The following KIAA1549L variants were observed in gnomAD, a reference collection of about 807,000 sequenced individuals.
The protein encoded by KIAA1549L is UPF0606 protein KIAA1549L.
Under a neutral mutation model 160.7 loss-of-function variants are expected in KIAA1549L, and 88 were observed. The observed-to-expected ratio is 0.55, with a 90% CI of 0.46 to 0.65. KIAA1549L has a LOEUF of 0.65. Ranked by LOEUF, KIAA1549L falls within the 30% of genes least tolerant of loss-of-function variation. The pLI, the probability that KIAA1549L is intolerant of heterozygous loss-of-function variation, is 0.00. For synonymous variants in KIAA1549L, 950 were observed against 976.7 expected (o/e 0.97, Z 0.51); for missense variants, 2,258 against 2,437.5 (o/e 0.93, Z 1.55).
chr11:33,642,794 A>T (rs1851622934), intron 16 of KIAA1549L, among the ~76,000 whole-genome samples: 1 of 152,216 alleles, frequency 6.6e-6, no homozygotes, highest in South Asian at 2.1e-4. Flanking sequence ...GAAGGCAAAG[A>T]ATTGAGCATA....
At chr11:33,656,342 C>A (rs1852064794) in intron 18 of KIAA1549L, among the ~76,000 whole-genome samples, 1 of 152,144 alleles carries the variant, frequency 6.6e-6, no homozygotes, top group Non-Finnish European at 1.5e-5. Flanking sequence ...GTTGAAGAAG[C>A]CCAAGGTCAA....
chr11:33,482,968 A>G (rs1852442971), intron 1 of KIAA1549L, among the ~76,000 whole-genome samples: 1 of 151,972 alleles, frequency 6.6e-6, no homozygotes, highest in Admixed American at 6.6e-5. Flanking sequence ...GTTTCCTGGT[A>G]TTTTCATAAG....
intron 1 of KIAA1549L, among the ~76,000 whole-genome samples, chr11:33,477,392 C>T (rs1394902574): frequency 6.6e-6 from 1 of 152,144 alleles, no homozygotes; most frequent in Non-Finnish European, 1.5e-5. Flanking sequence ...TTCTCTCTGA[C>T]CTTCTGCCCA....
At chr11:33,435,759 G>GAGATATAT (rs1429879805) in intron 1 of KIAA1549L, among the ~76,000 whole-genome samples, 282 of 14,948 alleles carry the variant, frequency 0.019, 66 homozygotes, top group East Asian at 0.063. Context: ...GAACCAATAA[G>GAGATATAT]ATATATATAT....
chr11:33,505,617 T>C (rs892664104), intron 1 of KIAA1549L, among the ~76,000 whole-genome samples: 6 of 152,254 alleles, frequency 3.9e-5, no homozygotes, highest in Admixed American at 2.0e-4. Context: ...TCTTCACTTA[T>C]ATCTGTTCAT....
intron 8 of KIAA1549L, among the ~76,000 whole-genome samples, chr11:33,565,396 G>C (rs1855014968): frequency 6.6e-6 from 1 of 152,144 alleles, no homozygotes; most frequent in Non-Finnish European, 1.5e-5. Flanking sequence ...ATAGTACCAG[G>C]CTAGAAGCAT....
At chr11:33,436,603 C>T (rs1484420531) in intron 1 of KIAA1549L, among the ~76,000 whole-genome samples, 1 of 152,196 alleles carries the variant, frequency 6.6e-6, no homozygotes, top group Admixed American at 6.5e-5. Flanking sequence ...GTCAGTTTGA[C>T]ACATACAATT....
chr11:33,382,200 G>C (rs1057083540), intron 1 of KIAA1549L, among the ~76,000 whole-genome samples: 5 of 152,050 alleles, frequency 3.3e-5, no homozygotes, highest in African/African-American at 1.2e-4. Flanking sequence ...AGGGTGAAGG[G>C]GACCAGCAAG....
Position 33,614,553 on chromosome 11 carries a change from TATATATATATATATATATATATATATA to T in KIAA1549L, c.5280-3979_5280-3953del, listed in dbSNP as rs1564924739. On this transcript the variant is annotated intron_variant, in intron 15 of 20. Coordinates refer to ENST00000658780, the MANE Select transcript of KIAA1549L (RefSeq NM_012194.3). ...CAAGATATATATATATATATATATA[TATATATATATATATATATATATATATA>T]TATATTTTTTTTTTTTTTTTTTTTT... 2.2e-3 allele frequency among the ~76,000 whole-genome samples: 29 copies of T among 13,218 alleles called. 4 individuals are homozygous for T. The highest frequency in any genetic ancestry group is 7.5e-3 in the African/African-American group (15 of 1,998). The allele number at this position is 13,218 out of a possible 152,430, so 8.7% of individuals were successfully genotyped here. A position where few individuals can be genotyped will look rare whatever the true frequency, so the allele number is the denominator to read the frequency against.
intron 14 of KIAA1549L, among the ~76,000 whole-genome samples, chr11:33,608,020 G>A (rs1027836225): frequency 6.6e-6 from 1 of 152,174 alleles, no homozygotes; most frequent in African/African-American, 2.4e-5. Context: ...ATGAGGTTGA[G>A]GTCCCCTGAC....
intron 1 of KIAA1549L, among the ~76,000 whole-genome samples, chr11:33,481,927 G>C (rs555740854): frequency 2.6e-5 from 4 of 152,314 alleles, no homozygotes; most frequent in African/African-American, 9.6e-5. Flanking sequence ...GTAATTCTCA[G>C]TTCTCCTTCT....
intron 8 of KIAA1549L, among the ~76,000 whole-genome samples, chr11:33,565,438 C>T (rs1855016443): frequency 6.6e-6 from 1 of 152,184 alleles, no homozygotes; most frequent in East Asian, 1.9e-4. Context: ...TTAACAGTGA[C>T]ACGATCAGTA....
intron 11 of KIAA1549L, among the ~76,000 whole-genome samples, chr11:33,589,070 A>G (rs991560315): frequency 2.0e-5 from 3 of 152,216 alleles, no homozygotes; most frequent in Non-Finnish European, 4.4e-5. Flanking sequence ...ATTTACAAGA[A>G]AAAAACAACC....
At chr11:33,494,758 C>T (rs773702267) in intron 1 of KIAA1549L, among the ~76,000 whole-genome samples, 7 of 152,236 alleles carry the variant, frequency 4.6e-5, no homozygotes, top group Non-Finnish European at 8.8e-5. Context: ...CACTTTGGCT[C>T]GATGCTGCTT....
At chr11:33,391,242 G>A (rs950329730) in intron 1 of KIAA1549L, among the ~76,000 whole-genome samples, 6 of 152,142 alleles carry the variant, frequency 3.9e-5, no homozygotes, top group Non-Finnish European at 8.8e-5. Flanking sequence ...AATTTAAGAC[G>A]TCAGACCTAA....
At chr11:33,381,962 T>C (rs1351873224) in intron 1 of KIAA1549L, among the ~76,000 whole-genome samples, 1 of 152,048 alleles carries the variant, frequency 6.6e-6, no homozygotes, top group African/African-American at 2.4e-5. Context: ...GGTAAGAAAA[T>C]AAGAGTTCAT....
At chr11:33,426,259 A>G (rs929067203) in intron 1 of KIAA1549L, among the ~76,000 whole-genome samples, 1 of 152,156 alleles carries the variant, frequency 6.6e-6, no homozygotes. Flanking sequence ...TGCTTTGGTA[A>G]TTTTCTATGA....
At chr11:33,384,930 TTTTTTTG>T (rs149824178) in intron 1 of KIAA1549L, among the ~76,000 whole-genome samples, 16,131 of 150,766 alleles carry the variant, frequency 0.11, 1,373 homozygotes, top group African/African-American at 0.24. Flanking sequence ...TTAACAGCGT[TTTTTTTG>T]TTTTTTGTTT....
chr11:33,527,014 T>C (rs1853629106), intron 1 of KIAA1549L, among the ~76,000 whole-genome samples: 1 of 152,052 alleles, frequency 6.6e-6, no homozygotes, highest in African/African-American at 2.4e-5. Flanking sequence ...CAAAATACAC[T>C]GGAAAGTTTC....
Sources: allele counts gnomAD v4.1 joint callset (sites outside exome capture counted in the v4.1 genomes callset), GRCh38; gene constraint gnomAD v4.1.1; transcripts MANE v1.5; gene names NCBI Gene and HGNC (gene_info 2026-07-23, HGNC 2026-07-21).